Variants in ARHGAP35 observed in about 807,000 individuals in gnomAD.
ARHGAP35 encodes rho GTPase-activating protein 35.
ARHGAP35 carries 15 observed loss-of-function variants against 111.1 expected under a neutral mutation model. The ratio of observed to expected loss-of-function variants is 0.13; its 90% CI spans 0.09 to 0.21. ARHGAP35 has a LOEUF of 0.21. ARHGAP35 is among the 10% of genes least tolerant of loss of function. The pLI, the probability that ARHGAP35 is intolerant of heterozygous loss-of-function variation, is 1.00. For synonymous variants in ARHGAP35, 643 were observed against 710.3 expected (o/e 0.91, Z 1.51); for missense variants, 1,262 against 1,873.0 (o/e 0.67, Z 6.02).
At chr19:46,998,689 C>T (rs1375241602) in intron 5 of ARHGAP35, among the ~76,000 whole-genome samples, 1 of 152,240 alleles carries the variant, frequency 6.6e-6, no homozygotes, top group African/African-American at 2.4e-5. Flanking sequence ...TGTTTTCCCT[C>T]CCCCAGGACA....
Position 46,994,472 on chromosome 19 carries a change from G to A in ARHGAP35, c.4036+4797G>A, listed in dbSNP as rs920947816. On this transcript the variant is annotated intron_variant, in intron 5 of 6. Transcript: ENST00000672722. This position sits in a 1 kb window ranked among gnomAD's most constrained non-coding sequence, Gnocchi z 5.4. Reference sequence around the variant, plus strand: ...CACCAGCTTGTTCCCCAGGCCTCTGGCTTGGAGCCTCGGGAGTCTGTGCTT... The same window carrying A: ...CACCAGCTTGTTCCCCAGGCCTCTGACTTGGAGCCTCGGGAGTCTGTGCTT... Among the ~76,000 whole-genome samples, 2 of 152,194 alleles carry A rather than the reference G, an allele frequency of 1.3e-5. No homozygotes were observed. The highest frequency in any genetic ancestry group is 2.9e-5 in the Non-Finnish European group (2 of 68,036).
Position 47,002,929 on chromosome 19 carries a change from C to T in ARHGAP35, c.*2241C>T, listed in dbSNP as rs1244973457. 2 of 152,298 alleles carry T rather than the reference C, an allele frequency of 1.3e-5. No individual in the cohort carries two copies. Among genetic ancestry groups the T allele is most frequent in the South Asian group, 2.1e-4 (1 of 4,834 alleles). The allele number at this position is 152,298 out of a possible 1,614,324, so 9.4% of individuals were successfully genotyped here. On this transcript the variant is annotated 3_prime_UTR_variant, in exon 7 of 7. Transcript: ENST00000672722. ...GGAGGAGCACCTGGGCTCTCTACCCCTCTCCTCACAGAAGTACCTGAAACT... is the reference window on the plus strand; with the variant it reads ...GGAGGAGCACCTGGGCTCTCTACCCTTCTCCTCACAGAAGTACCTGAAACT...
intron 1 of ARHGAP35, among the ~76,000 whole-genome samples, chr19:46,894,477 G>A (rs1469425465): frequency 6.0e-5 from 8 of 133,544 alleles, no homozygotes; most frequent in Admixed American, 8.3e-5. Context: ...AGACGGAGTC[G>A]CTCTGTTGCC....
At chr19:46,899,859 A>G (rs1172526158) in intron 1 of ARHGAP35, among the ~76,000 whole-genome samples, 2 of 152,220 alleles carry the variant, frequency 1.3e-5, no homozygotes, top group Non-Finnish European at 2.9e-5. Flanking sequence ...TGTACATTCA[A>G]GACAAAGTTG....
rs182636444 is a variant in ARHGAP35 at position 46,980,203 on chromosome 19, G to A, written c.3827-7786G>A. Among the ~76,000 whole-genome samples, 25 of 152,202 alleles carry A rather than the reference G, an allele frequency of 1.6e-4. No individual in the cohort carries two copies. In the East Asian group the frequency reaches 2.9e-3, roughly 18 times the overall value. On this transcript the variant is annotated intron_variant, in intron 3 of 6. Transcript: ENST00000672722. The stretch of plus-strand genomic sequence containing the variant: ...AGTTCAAGACCAGCCTGGCCAACAT[G>A]GTGAAACCTCGTCTCTACTAAAAAC...
intron 3 of ARHGAP35, among the ~76,000 whole-genome samples, chr19:46,964,727 T>C (rs2056503126): frequency 6.6e-6 from 1 of 152,146 alleles, no homozygotes; most frequent in African/African-American, 2.4e-5. Context: ...TGTGGCTCAT[T>C]GGAGCTTATG....
At chr19:46,972,977 C>T (rs1293102721) in intron 3 of ARHGAP35, among the ~76,000 whole-genome samples, 1 of 152,184 alleles carries the variant, frequency 6.6e-6, no homozygotes, top group Non-Finnish European at 1.5e-5. Context: ...CCCTGTTCCC[C>T]TGCACTGAAG....
At chr19:46,957,892 G>A (rs1041887085) in intron 3 of ARHGAP35, among the ~76,000 whole-genome samples, 2 of 152,180 alleles carry the variant, frequency 1.3e-5, no homozygotes, top group Non-Finnish European at 2.9e-5. Flanking sequence ...GGGGGAATAG[G>A]TATAGAAGGA....
chr19:46,958,371 C>A (rs2056454170), intron 3 of ARHGAP35, among the ~76,000 whole-genome samples: 1 of 142,240 alleles, frequency 7.0e-6, no homozygotes. Context: ...GGCGACAGAG[C>A]AAGACTCCGT....
chr19:46,897,017 C>T (rs1484486520), intron 1 of ARHGAP35, among the ~76,000 whole-genome samples: 1 of 152,024 alleles, frequency 6.6e-6, no homozygotes, highest in Non-Finnish European at 1.5e-5. Flanking sequence ...CCTCAGCCTC[C>T]CAAGTAGCTG....
chr19:46,873,583 A>T (rs1599792113), intron 1 of ARHGAP35, among the ~76,000 whole-genome samples: 2 of 149,012 alleles, frequency 1.3e-5, no homozygotes, highest in East Asian at 4.1e-4. Context: ...GGTTGCAGTG[A>T]GCTGAGATCG....
intron 3 of ARHGAP35, among the ~76,000 whole-genome samples, chr19:46,943,377 C>T (rs1435571201): frequency 1.3e-5 from 2 of 152,186 alleles, no homozygotes; most frequent in African/African-American, 4.8e-5. Flanking sequence ...GCCTCCCTTT[C>T]TGGACAGGGC....
Position 46,879,378 on chromosome 19 carries a change from G to A in ARHGAP35, c.-189+18169G>A, listed in dbSNP as rs530814522. Reference sequence around the variant, plus strand: ...CCAAGGCAGGCAGATCACGAGTTCAGGAGATAGAGACCATCCCGGCTAACA... The same window carrying A: ...CCAAGGCAGGCAGATCACGAGTTCAAGAGATAGAGACCATCCCGGCTAACA... On this transcript the variant is annotated intron_variant, in intron 1 of 6. Transcript: ENST00000672722. Among the ~76,000 whole-genome samples the A allele has an allele frequency of 1.4e-4, 21 of 152,060 alleles. No individual in the cohort carries two copies. The East Asian group carries it at 4.1e-3, about 29-fold the overall frequency.
chr19:46,960,684 T>G (rs184944612), intron 3 of ARHGAP35, among the ~76,000 whole-genome samples: 80 of 152,194 alleles, frequency 5.3e-4, no homozygotes, highest in African/African-American at 1.9e-3. Flanking sequence ...CTATTAAGAG[T>G]TTAAATTGTA....
At position 46,994,297 on chromosome 19, in the gene ARHGAP35, T is replaced by C. The variant is rs1390054904; in HGVS notation, c.4036+4622T>C. 1.3e-5 allele frequency among the ~76,000 whole-genome samples: 2 copies of C among 152,152 alleles called. No individual in the cohort carries two copies. Among genetic ancestry groups the C allele is most frequent in the Non-Finnish European group, 2.9e-5 (2 of 68,000 alleles). ...GCTACCTATTGAAGCTGGGGGTCCC[T>C]GTACAGCAGGGCTCCACTGAAGATG... On this transcript the variant is annotated intron_variant, in intron 5 of 6. Coordinates refer to ENST00000672722, the MANE Select transcript of ARHGAP35 (RefSeq NM_004491.5). This position sits in a 1 kb window ranked among gnomAD's most constrained non-coding sequence, Gnocchi z 5.4.
rs1568461104 is a variant in ARHGAP35 at position 46,888,300 on chromosome 19, AT to A, written c.-189+27092del. 4.0e-4 allele frequency among the ~76,000 whole-genome samples: 27 copies of A among 67,954 alleles called. 2 individuals are homozygous for A. Among genetic ancestry groups the A allele is most frequent in the South Asian group, 8.3e-4 (2 of 2,404 alleles). The allele number at this position is 67,954 out of a possible 152,430, so 44.6% of individuals were successfully genotyped here. A position where few individuals can be genotyped will look rare whatever the true frequency, so the allele number is the denominator to read the frequency against. ...TATATATATATATATATATATATAT[AT>A]ATATATATATATATATAAAATATTG... On this transcript the variant is annotated intron_variant, in intron 1 of 6. Transcript: ENST00000672722.
Position 46,992,690 on chromosome 19 carries a change from G to T in ARHGAP35, c.4036+3015G>T, listed in dbSNP as rs73059321. Among the ~76,000 whole-genome samples the T allele has an allele frequency of 0.032, 4,826 of 152,278 alleles. 86 individuals are homozygous for T. The highest frequency in any genetic ancestry group is 0.051 in the Middle Eastern group (15 of 292). The stretch of plus-strand genomic sequence containing the variant: ...CAAAGGACCTGTGGCTCCAGGGTCC[G>T]CATTAACTCCCTGTAATAGCTCACA... On this transcript the variant is annotated intron_variant, in intron 5 of 6. Coordinates refer to ENST00000672722, the MANE Select transcript of ARHGAP35 (RefSeq NM_004491.5). The surrounding 1 kb of genome is among the most constrained non-coding windows in gnomAD (Gnocchi z 4.4).
In ARHGAP35 at chr19:46,989,216, A is replaced by C; in HGVS notation, c.3905-328A>C. ...AGCCGCCTCCTTCTTCTGTGATGGGAAGGGAGTAAGGAAGAGGCAACAGCA... is the reference window on the plus strand; with the variant it reads ...AGCCGCCTCCTTCTTCTGTGATGGGCAGGGAGTAAGGAAGAGGCAACAGCA... On this transcript the variant is annotated intron_variant, in intron 4 of 6. Coordinates refer to ENST00000672722, the MANE Select transcript of ARHGAP35 (RefSeq NM_004491.5). This position sits in a 1 kb window ranked among gnomAD's most constrained non-coding sequence, Gnocchi z 5.3. 1 of 203,226 alleles carries C rather than the reference A, an allele frequency of 4.9e-6. No homozygotes were observed. The highest frequency in any genetic ancestry group is 1.0e-5 in the Non-Finnish European group (1 of 96,828). 12.6% of individuals were successfully genotyped at this position (203,226 alleles called of 1,614,324 possible).
At chr19:46,898,888 T>C (rs2056070479) in intron 1 of ARHGAP35, among the ~76,000 whole-genome samples, 1 of 152,076 alleles carries the variant, frequency 6.6e-6, no homozygotes, top group South Asian at 2.1e-4. Flanking sequence ...CTGCGGTGTG[T>C]GTAGTTGCCT....
Sources: allele counts gnomAD v4.1 joint callset (sites outside exome capture counted in the v4.1 genomes callset), GRCh38; gene constraint gnomAD v4.1.1; non-coding constraint Gnocchi (gnomAD v3.1); transcripts MANE v1.5; gene names NCBI Gene and HGNC (gene_info 2026-07-23, HGNC 2026-07-21).